SORCS3: variants seen among roughly 807,000 people sequenced by gnomAD.
SORCS3 encodes sortilin related VPS10 domain containing receptor 3.
In SORCS3, 57 loss-of-function variants were observed where a neutral mutation model predicts 146.3. That is an observed-to-expected ratio of 0.39 (90% confidence interval 0.31 to 0.49). SORCS3 has a LOEUF of 0.49. SORCS3 is among the 20% of genes least tolerant of loss of function. The pLI, the probability that SORCS3 is intolerant of heterozygous loss-of-function variation, is 0.92. For missense variants in SORCS3, 1,341 were observed against 1,575.5 expected (o/e 0.85, Z 2.52); for synonymous variants, 653 against 618.5 (o/e 1.06, Z -0.83).
chr10:105,105,555 C>A lies in SORCS3; in HGVS notation c.1212+40C>A, dbSNP rs376767421. On this transcript the variant is annotated intron_variant, in intron 7 of 26. Coordinates refer to ENST00000369701, the MANE Select transcript of SORCS3 (RefSeq NM_014978.3). ...TGCAGTTGGTGGTAGGAGGATGCAT[C>A]GTTGAAGTTGGCTGCCTGCTAGGAA... is the stretch of plus-strand genomic sequence containing the variant. The A allele has an allele frequency of 4.9e-6, 7 of 1,424,122 alleles. No individual in the cohort carries two copies. In the South Asian group the frequency reaches 6.9e-5, roughly 14 times the overall value. The allele number at this position is 1,424,122 out of a possible 1,614,324, so 88.2% of individuals were successfully genotyped here.
chr10:104,921,149 C>T (rs1455995354), intron 3 of SORCS3, among the ~76,000 whole-genome samples: 1 of 152,214 alleles, frequency 6.6e-6, no homozygotes, highest in African/African-American at 2.4e-5. Context: ...ATGAGATAAA[C>T]ATCCCTGGGT....
chr10:104,708,026 G>T (rs2016358903), intron 1 of SORCS3, among the ~76,000 whole-genome samples: 1 of 152,212 alleles, frequency 6.6e-6, no homozygotes, highest in African/African-American at 2.4e-5. Flanking sequence ...ATAGAACAAT[G>T]AAGTGTTGAC....
At chr10:104,933,362 C>T (rs2019228427) in intron 3 of SORCS3, among the ~76,000 whole-genome samples, 1 of 151,486 alleles carries the variant, frequency 6.6e-6, no homozygotes, top group South Asian at 2.1e-4. Context: ...TGGCATCACA[C>T]CCAGACAGAC....
At chr10:104,753,220 T>C (rs2017009306) in intron 1 of SORCS3, among the ~76,000 whole-genome samples, 1 of 152,306 alleles carries the variant, frequency 6.6e-6, no homozygotes, top group East Asian at 1.9e-4. Flanking sequence ...CAGAAGAAGG[T>C]TTAGGGCACC....
chr10:105,242,676 ATATT>A (rs1170944063), intron 20 of SORCS3, among the ~76,000 whole-genome samples: 2 of 105,980 alleles, frequency 1.9e-5, no homozygotes, highest in Non-Finnish European at 3.3e-5. Context: ...ATATTTATAT[ATATT>A]TATATACATT....
At chr10:104,721,913 T>A (rs1244064979) in intron 1 of SORCS3, among the ~76,000 whole-genome samples, 1 of 152,226 alleles carries the variant, frequency 6.6e-6, no homozygotes, top group East Asian at 1.9e-4. Context: ...TACAGTCATG[T>A]CATCTGCAAA....
chr10:105,168,932 G>A (rs1328675088), intron 13 of SORCS3, among the ~76,000 whole-genome samples: 1 of 152,114 alleles, frequency 6.6e-6, no homozygotes, highest in East Asian at 1.9e-4. Flanking sequence ...AGTTCCCAGT[G>A]TAATTGTTTC....
chr10:105,150,070 C>T (rs2056157948), intron 9 of SORCS3, among the ~76,000 whole-genome samples: 1 of 152,078 alleles, frequency 6.6e-6, no homozygotes, highest in Non-Finnish European at 1.5e-5. Flanking sequence ...TGTTCAAGCC[C>T]ATGAGGAAGG....
At chr10:104,848,184 C>T (rs992437014) in intron 2 of SORCS3, among the ~76,000 whole-genome samples, 1 of 152,138 alleles carries the variant, frequency 6.6e-6, no homozygotes, top group Non-Finnish European at 1.5e-5. Context: ...CCCGCCTTGC[C>T]GTGTCCCTTT....
intron 2 of SORCS3, among the ~76,000 whole-genome samples, chr10:104,906,077 C>G (rs2018901976): frequency 6.6e-6 from 1 of 152,006 alleles, no homozygotes; most frequent in South Asian, 2.1e-4. Flanking sequence ...CTGGATGTGC[C>G]CAAACAGACA....
chr10:105,041,665 G>A (rs555424978), intron 4 of SORCS3, among the ~76,000 whole-genome samples: 45 of 151,790 alleles, frequency 3.0e-4, no homozygotes, highest in Non-Finnish European at 5.7e-4. Flanking sequence ...TGAGATTACC[G>A]GAAGTTTATA....
At chr10:105,258,555 T>A (rs1160250682) in intron 25 of SORCS3, among the ~76,000 whole-genome samples, 1 of 152,186 alleles carries the variant, frequency 6.6e-6, no homozygotes, top group Non-Finnish European at 1.5e-5. Context: ...GTAAAGAGTC[T>A]TTTGTGGCTT....
At chr10:104,911,270 G>T (rs1027760178) in intron 2 of SORCS3, among the ~76,000 whole-genome samples, 1 of 152,164 alleles carries the variant, frequency 6.6e-6, no homozygotes, top group Non-Finnish European at 1.5e-5. Context: ...AGGCTCCCAG[G>T]CTCCCTGAGG....
At chr10:105,045,457 T>C (rs1011342859) in intron 5 of SORCS3, among the ~76,000 whole-genome samples, 2 of 152,170 alleles carry the variant, frequency 1.3e-5, no homozygotes, top group African/African-American at 4.8e-5. Context: ...CCATTTCTGA[T>C]ATATAATTAC....
At chr10:104,722,742 C>T (rs1266652978) in intron 1 of SORCS3, among the ~76,000 whole-genome samples, 2 of 152,166 alleles carry the variant, frequency 1.3e-5, no homozygotes, top group Non-Finnish European at 2.9e-5. Flanking sequence ...TCCATTTCTT[C>T]TAGATTTTCT....
chr10:104,861,290 G>T (rs1342293555), intron 2 of SORCS3, among the ~76,000 whole-genome samples: 1 of 152,126 alleles, frequency 6.6e-6, no homozygotes, highest in Non-Finnish European at 1.5e-5. Context: ...ATACCACCTG[G>T]ATTTGAATCC....
intron 10 of SORCS3, among the ~76,000 whole-genome samples, 165 bp downstream of exon 10, chr10:105,157,449 C>A (rs2056221087): frequency 6.6e-6 from 1 of 152,092 alleles, no homozygotes; most frequent in Admixed American, 6.6e-5. Flanking sequence ...AGTGCAGCAC[C>A]AATTGGGTGA....
At chr10:105,165,383 G>C (rs1197252247) in intron 12 of SORCS3, among the ~76,000 whole-genome samples, 1 of 152,168 alleles carries the variant, frequency 6.6e-6, no homozygotes, top group African/African-American at 2.4e-5. Flanking sequence ...TCTCCGTGGA[G>C]AAGACAAGAG....
intron 3 of SORCS3, among the ~76,000 whole-genome samples, chr10:104,927,274 A>G (rs2133608039): frequency 6.6e-6 from 1 of 152,324 alleles, no homozygotes; most frequent in South Asian, 2.1e-4. Context: ...GGATGGCCAC[A>G]TACAATGCTG....
Sources: gnomAD v4.1 joint callset for allele counts (sites outside exome capture counted in the v4.1 genomes callset) on GRCh38, gnomAD v4.1.1 for gene constraint, MANE v1.5 for transcripts, NCBI Gene and HGNC (gene_info 2026-07-23, HGNC 2026-07-21) for gene names.